Variants in LRP1B observed in about 807,000 individuals in gnomAD.
LRP1B encodes the protein low-density lipoprotein receptor-related protein 1B.
A neutral mutation model predicts 556.6 loss-of-function variants in LRP1B; 217 were observed. That is an observed-to-expected ratio of 0.39 (90% confidence interval 0.35 to 0.44). LRP1B has a LOEUF of 0.44. LRP1B is among the 20% of genes least tolerant of loss of function. LRP1B has a pLI of 1.00. For missense variants in LRP1B, 5,053 were observed against 5,620.8 expected, an observed-to-expected ratio of 0.90 and a Z score of 3.23; for synonymous variants, 2,047 against 1,865.8, an observed-to-expected ratio of 1.10 and a Z score of -2.50.
chr2:141,891,376 A>G (rs1430731275), intron 1 of LRP1B, among the ~76,000 whole-genome samples: 1 of 152,128 alleles, frequency 6.6e-6, no homozygotes, highest in Admixed American at 6.6e-5. Flanking sequence ...TTATCTAATA[A>G]TTTACAAATA....
chr2:141,247,396 T>G, intron 4 of LRP1B, 42 bp from the exon 5 acceptor site: 1 of 1,595,238 alleles, frequency 6.3e-7, no homozygotes, highest in Non-Finnish European at 8.6e-7. Flanking sequence ...AGCTTTATCT[T>G]GGGCACTTTT....
At chr2:140,418,301 A>G (rs1395001493) in intron 66 of LRP1B, among the ~76,000 whole-genome samples, 1 of 152,150 alleles carries the variant, frequency 6.6e-6, no homozygotes, top group Admixed American at 6.5e-5. Flanking sequence ...CCTATCTTAG[A>G]TTTCAAGAGT....
chr2:141,006,626 C>T (rs542166392), intron 14 of LRP1B, among the ~76,000 whole-genome samples: 16 of 151,998 alleles, frequency 1.1e-4, no homozygotes, highest in South Asian at 8.3e-4. Context: ...CTAAACTATA[C>T]GGTGCTAAAA....
At chr2:140,722,919 T>C (rs1355617682) in intron 35 of LRP1B, among the ~76,000 whole-genome samples, 4 of 152,020 alleles carry the variant, frequency 2.6e-5, no homozygotes, top group Non-Finnish European at 5.9e-5. Context: ...GGCGGGCGCC[T>C]GTATTCCCAG....
rs769779943 is a variant in LRP1B at position 140,886,162 on chromosome 2, G to A, written c.3940C>T (p.Arg1314Trp). ...WTDVVEDRIY[R>W]GKLSESGGVS... Reference sequence around the variant, plus strand: ...CCTCCACTTTCAGAAAGCTTTCCCCGGTATATTCTGTCTTCTACAACATCT... The same window carrying A: ...CCTCCACTTTCAGAAAGCTTTCCCCAGTATATTCTGTCTTCTACAACATCT... Residue 1314 changes from arginine (R) to tryptophan (W), a missense_variant, in exon 24 of 91, where the codon CGG becomes TGG. By Grantham distance (101) the Arg-to-Trp change is moderately radical. Transcript: ENST00000389484. The A allele has an allele frequency of 2.9e-5, 46 of 1,601,250 alleles. No homozygotes were observed. Among genetic ancestry groups the A allele is most frequent in the Admixed American group, 8.5e-5 (5 of 59,150 alleles).
intron 34 of LRP1B, among the ~76,000 whole-genome samples, chr2:140,770,680 T>G (rs1258955422): frequency 6.6e-6 from 1 of 152,078 alleles, no homozygotes; most frequent in African/African-American, 2.4e-5. Context: ...AATTAGAATG[T>G]CTTATAAGGC....
chr2:141,748,429 C>G (rs1693987695), intron 2 of LRP1B, among the ~76,000 whole-genome samples: 1 of 152,136 alleles, frequency 6.6e-6, no homozygotes, highest in African/African-American at 2.4e-5. Context: ...AATTGTTTCT[C>G]TATTATAGGA....
intron 2 of LRP1B, among the ~76,000 whole-genome samples, chr2:141,514,386 C>T (rs1684236429): frequency 6.6e-6 from 1 of 152,144 alleles, no homozygotes; most frequent in South Asian, 2.1e-4. Flanking sequence ...AGTTGGGCCC[C>T]CCTTTCTCGT....
At chr2:141,715,219 G>A (rs1692533760) in intron 2 of LRP1B, among the ~76,000 whole-genome samples, 1 of 152,152 alleles carries the variant, frequency 6.6e-6, no homozygotes, top group Non-Finnish European at 1.5e-5. Flanking sequence ...TGTAATCCCA[G>A]CCCTTTGGGA....
chr2:140,623,660 T>G (rs978022205), intron 41 of LRP1B, among the ~76,000 whole-genome samples: 2 of 152,048 alleles, frequency 1.3e-5, no homozygotes, highest in African/African-American at 2.4e-5. Flanking sequence ...GGCTTACTCC[T>G]GTAATCCCAG....
intron 32 of LRP1B, among the ~76,000 whole-genome samples, chr2:140,784,656 A>T (rs542162893): frequency 6.6e-6 from 1 of 152,048 alleles, no homozygotes; most frequent in Non-Finnish European, 1.5e-5. Flanking sequence ...TAAAATGAAA[A>T]CAAATAAATA....
chr2:141,417,859 C>T (rs897998575), intron 3 of LRP1B, among the ~76,000 whole-genome samples: 2 of 151,206 alleles, frequency 1.3e-5, no homozygotes, highest in Non-Finnish European at 2.9e-5. Flanking sequence ...AATTTCTCTA[C>T]ATCCTTGCCA....
At chr2:140,442,054 T>G (rs1012582940) in intron 66 of LRP1B, among the ~76,000 whole-genome samples, 5 of 152,180 alleles carry the variant, frequency 3.3e-5, no homozygotes, top group African/African-American at 1.2e-4. Flanking sequence ...ATGGAACAGA[T>G]GCTTTTTATT....
chr2:140,778,440 C>T (rs1300298409), intron 32 of LRP1B, among the ~76,000 whole-genome samples: 1 of 152,110 alleles, frequency 6.6e-6, no homozygotes, highest in African/African-American at 2.4e-5. Flanking sequence ...TGACAGCTTC[C>T]TAATACCTAA....
chr2:140,561,334 G>T (rs1680922870), intron 43 of LRP1B, among the ~76,000 whole-genome samples: 1 of 152,050 alleles, frequency 6.6e-6, no homozygotes, highest in South Asian at 2.1e-4. Flanking sequence ...CACAGGCCTG[G>T]TTGAGTTTTC....
chr2:140,581,265 T>TTTC (rs1309844365), intron 43 of LRP1B, among the ~76,000 whole-genome samples: 9 of 152,350 alleles, frequency 5.9e-5, no homozygotes, highest in African/African-American at 2.2e-4. Flanking sequence ...TGATTTACTA[T>TTTC]TTCTGTTCAA....
chr2:141,759,751 G>T (rs1440445364), intron 2 of LRP1B, among the ~76,000 whole-genome samples: 1 of 152,144 alleles, frequency 6.6e-6, no homozygotes, highest in Non-Finnish European at 1.5e-5. Context: ...ATATTATTGA[G>T]ACTACAATTG....
intron 1 of LRP1B, among the ~76,000 whole-genome samples, chr2:141,964,438 C>T (rs1242365910): frequency 1.3e-5 from 2 of 148,344 alleles, no homozygotes; most frequent in Admixed American, 6.7e-5. Flanking sequence ...AGAAATAATG[C>T]CGCATACCTA....
At chr2:140,437,566 A>T (rs1686240128) in intron 66 of LRP1B, among the ~76,000 whole-genome samples, 1 of 152,234 alleles carries the variant, frequency 6.6e-6, no homozygotes, top group Admixed American at 6.5e-5. Flanking sequence ...CCATTTTCCA[A>T]GATACAAAAT....
Sources: gnomAD v4.1 joint callset for allele counts (sites outside exome capture counted in the v4.1 genomes callset) on GRCh38, gnomAD v4.1.1 for gene constraint, MANE v1.5 for transcripts, NCBI Gene and HGNC (gene_info 2026-07-23, HGNC 2026-07-21) for gene names.